URB1: variants seen among roughly 807,000 people sequenced by gnomAD.
URB1 encodes the protein URB1 ribosome biogenesis factor.
A neutral mutation model predicts 242.3 loss-of-function variants in URB1; 197 were observed. That is an observed-to-expected ratio of 0.81 (90% CI 0.72 to 0.91). URB1 has a LOEUF of 0.91. Ranked by LOEUF, URB1 falls within the 40% of genes least tolerant of loss-of-function variation. URB1 has a pLI of 0.00. For synonymous variants in URB1, 1,153 were observed against 1,201.8 expected (o/e 0.96, Z 0.84); for missense variants, 2,721 against 2,860.5 (o/e 0.95, Z 1.11).
In URB1 at chr21:32,334,079, A is replaced by T. The variant is rs2032926622; in HGVS notation, c.4857+84T>A. The T allele has an allele frequency of 2.1e-6, 3 of 1,424,972 alleles. No individual in the cohort carries two copies. In the Admixed American group the frequency reaches 8.4e-5, roughly 40 times the overall value. The allele number at this position is 1,424,972 out of a possible 1,614,324, so 88.3% of individuals were successfully genotyped here. A position where few individuals can be genotyped will look rare whatever the true frequency, so the allele number is the denominator to read the frequency against. On this transcript the variant is annotated intron_variant, in intron 29 of 38. Transcript: ENST00000382751. ...CTTACTTAATAAAAAGGTAAATAAC[A>T]AGAAAAACGAAGCTGAGGGTGCAGA...
rs150678909 is a variant in URB1 at position 32,353,122 on chromosome 21, C to T, written c.2417-216G>A. On this transcript the variant is annotated intron_variant, in intron 18 of 38. Transcript: ENST00000382751. ...TACAGCAAAGTCAGACATCCACTCC[C>T]GAGGCCCAGGAGTGAAGACCCAGGC... Among the ~76,000 whole-genome samples the T allele has an allele frequency of 3.7e-3, 566 of 152,250 alleles. 2 individuals carry two copies. The highest frequency in any genetic ancestry group is 0.012 in the African/African-American group (519 of 41,548).
chr21:32,363,050 T>C (rs2033306711), intron 11 of URB1, 106 bp downstream of exon 11: 17 of 1,406,692 alleles, frequency 1.2e-5, no homozygotes, highest in Non-Finnish European at 1.6e-5. Flanking sequence ...TGTCCAACCC[T>C]GCGGCTCCAA....
At chr21:32,369,085 G>C (rs1222983910) in intron 8 of URB1, among the ~76,000 whole-genome samples, 1 of 152,150 alleles carries the variant, frequency 6.6e-6, no homozygotes, top group Non-Finnish European at 1.5e-5. Flanking sequence ...ACTCACAACT[G>C]TAATCCCAGC....
At chr21:32,378,393 T>C in intron 5 of URB1, 52 bp downstream of exon 5, 1 of 1,485,652 alleles carries the variant, frequency 6.7e-7, no homozygotes, top group African/African-American at 1.4e-5. Flanking sequence ...CGGTTTGCAG[T>C]AGGTTTTTCA....
At chr21:32,381,303 G>C (rs543106201) in intron 4 of URB1, among the ~76,000 whole-genome samples, 1 of 152,198 alleles carries the variant, frequency 6.6e-6, no homozygotes, top group Admixed American at 6.5e-5. Context: ...AAATACACTT[G>C]GTAAAACTGC....
In URB1 at chr21:32,392,975, C is replaced by CA; in HGVS notation, c.-66dup. 1 of 1,419,984 alleles carries CA rather than the reference C, an allele frequency of 7.0e-7. No individual in the cohort carries two copies. The allele number at this position is 1,419,984 out of a possible 1,614,324, so 88.0% of individuals were successfully genotyped here. On this transcript the variant is annotated 5_prime_UTR_variant, in exon 1 of 39. Transcript: ENST00000382751. The stretch of plus-strand genomic sequence containing the variant: ...AGGGGACCCGGCAGGAGCACTGGCA[C>CA]AGACAGCAGACACGCGCTTCAGGCC...
In URB1 at chr21:32,313,750, A is replaced by G. The variant is rs1437228553; in HGVS notation, c.*1168T>C. The G allele has an allele frequency of 6.6e-6, 1 of 152,284 alleles. No homozygotes were observed. Among genetic ancestry groups the G allele is most frequent in the Non-Finnish European group, 1.5e-5 (1 of 68,078 alleles). The allele number at this position is 152,284 out of a possible 1,614,324, so 9.4% of individuals were successfully genotyped here. A position where few individuals can be genotyped will look rare whatever the true frequency, so the allele number is the denominator to read the frequency against. On this transcript the variant is annotated 3_prime_UTR_variant, in exon 39 of 39. Transcript: ENST00000382751. ...CATCCTAGGCCACAGAGCAGATCCCAAGAGCCCCAGGCATGCAGGAGAGTT... is the reference window on the plus strand; with the variant it reads ...CATCCTAGGCCACAGAGCAGATCCCGAGAGCCCCAGGCATGCAGGAGAGTT...
At chr21:32,317,635 A>T in intron 37 of URB1, 41 bp downstream of exon 37, 2 of 1,545,150 alleles carry the variant, frequency 1.3e-6, no homozygotes, top group Non-Finnish European at 1.8e-6. Context: ...TGAGAGAGAC[A>T]TGTTGGCTAC....
At position 32,341,499 on chromosome 21, in the gene URB1, C is replaced by T. The variant is rs2033028952; in HGVS notation, c.4283G>A (p.Gly1428Asp). 2 of 1,551,492 alleles carry T rather than the reference C, an allele frequency of 1.3e-6. No individual in the cohort carries two copies. The highest frequency in any genetic ancestry group is 4.9e-5 in the East Asian group (2 of 40,922). Residue 1428 changes from glycine to aspartate, a missense_variant, in exon 25 of 39, where the codon GGT becomes GAT. By Grantham distance (94) the Gly-to-Asp change is moderately conservative. Coordinates refer to ENST00000382751, the MANE Select transcript of URB1 (RefSeq NM_014825.3). ...LLHALNEVDPGDWQKFVKKGL... is the reference protein window; with the variant it reads ...LLHALNEVDPDDWQKFVKKGL... ...CTTCTTCACGAATTTCTGCCAGTCA[C>T]CAGGATCAACTTCATTAAGTGCATG... is the stretch of plus-strand genomic sequence containing the variant.
chr21:32,344,673 G>C lies in URB1; in HGVS notation c.4154C>G (p.Ser1385Cys), dbSNP rs1296930087. Residue 1385 changes from serine to cysteine, a missense_variant, in exon 24 of 39, where the codon TCC (serine) becomes TGC (cysteine). Ser to Cys is a moderately radical substitution (Grantham distance 112, BLOSUM62 -1). Coordinates refer to ENST00000382751, the MANE Select transcript of URB1 (RefSeq NM_014825.3). ...AGACACGATCAGCCACTTCACACAGGACTCCAAAAGGGTCCTTCTCCAGGC... is the reference window on the plus strand; with the variant it reads ...AGACACGATCAGCCACTTCACACAGCACTCCAAAAGGGTCCTTCTCCAGGC... Reference protein sequence around the residue: ...LCAWRRTLLESCVKWLIVSFS... With the variant: ...LCAWRRTLLECCVKWLIVSFS... 6.4e-7 allele frequency: 1 copy of C among 1,552,292 alleles called. No homozygotes were observed.
intron 4 of URB1, among the ~76,000 whole-genome samples, chr21:32,382,120 T>G (rs1459946215): frequency 6.6e-6 from 1 of 152,138 alleles, no homozygotes; most frequent in Non-Finnish European, 1.5e-5. Flanking sequence ...GGAAGCCCTT[T>G]CCCACGCTGT....
chr21:32,340,982 G>T (rs183437403), intron 25 of URB1, among the ~76,000 whole-genome samples: 1 of 151,254 alleles, frequency 6.6e-6, no homozygotes, highest in East Asian at 1.9e-4. Context: ...GTGAACAAAA[G>T]GATGTATAAA....
chr21:32,346,617 T>C (rs2033088416), intron 22 of URB1, among the ~76,000 whole-genome samples: 1 of 152,110 alleles, frequency 6.6e-6, no homozygotes, highest in Non-Finnish European at 1.5e-5. Flanking sequence ...CCCTGGGACA[T>C]GGGATGGATT....
intron 5 of URB1, 104 bp from the exon 6 acceptor site, chr21:32,375,587 C>A: frequency 3.3e-6 from 2 of 611,634 alleles, no homozygotes; most frequent in South Asian, 5.8e-5. Flanking sequence ...ATGCCATTTA[C>A]TTTTTCAAGT....
Position 32,314,590 on chromosome 21 carries a change from G to C in URB1, c.*328C>G. The C allele has an allele frequency of 6.2e-7, 1 of 1,614,212 alleles. No individual in the cohort carries two copies. The highest frequency in any genetic ancestry group is 8.5e-7 in the Non-Finnish European group (1 of 1,180,052). On this transcript the variant is annotated 3_prime_UTR_variant, in exon 39 of 39. Coordinates refer to ENST00000382751, the MANE Select transcript of URB1 (RefSeq NM_014825.3). ...AATCTCTTCTGCATTCAGAAGTGCT[G>C]CCTCAAACTCGAGCTATTTCCTGTG...
At chr21:32,373,165 C>T (rs1319153335) in intron 7 of URB1, among the ~76,000 whole-genome samples, 6 of 152,212 alleles carry the variant, frequency 3.9e-5, no homozygotes, top group South Asian at 2.1e-4. Context: ...CAATTTAGCA[C>T]GAGTTAACTA....
At chr21:32,390,780 T>C (rs1030990124) in intron 1 of URB1, among the ~76,000 whole-genome samples, 2 of 152,192 alleles carry the variant, frequency 1.3e-5, no homozygotes, top group Non-Finnish European at 2.9e-5. Flanking sequence ...GACTGTAAAC[T>C]AGTTCAACCA....
At chr21:32,345,004 A>C (rs1371109592) in intron 23 of URB1, among the ~76,000 whole-genome samples, 1 of 152,196 alleles carries the variant, frequency 6.6e-6, no homozygotes, top group Non-Finnish European at 1.5e-5. Context: ...GACTTTTTCT[A>C]AATCAGGGTT....
chr21:32,366,667 GT>G lies in URB1; in HGVS notation c.1285del (p.Thr429ProfsTer16). On this transcript the variant is annotated frameshift_variant, in exon 10 of 39. Transcript: ENST00000382751. LOFTEE classifies it high-confidence loss of function. The part of the protein sequence containing the change: ...LPRLLAMVMV[T>X]TVPLVCNKSM... The stretch of plus-strand genomic sequence containing the variant: ...CTTATTGCACACCAGGGGCACGGTG[GT>G]CACCATCACCATTGCCAGGAGCCGA... 1 of 1,551,500 alleles carries G rather than the reference GT, an allele frequency of 6.4e-7. No individual in the cohort carries two copies. Among genetic ancestry groups the G allele is most frequent in the Non-Finnish European group, 8.7e-7 (1 of 1,146,840 alleles).
Sources: allele counts gnomAD v4.1 joint callset (sites outside exome capture counted in the v4.1 genomes callset), GRCh38; gene constraint gnomAD v4.1.1; transcripts MANE v1.5; gene names NCBI Gene and HGNC (gene_info 2026-07-23, HGNC 2026-07-21).